The following IL7 variants were observed in gnomAD, a reference collection of about 807,000 sequenced individuals.
IL7 encodes the protein interleukin-7.
IL7 carries 3 observed loss-of-function variants against 21.6 expected under a neutral mutation model. That is an observed-to-expected ratio of 0.14 (90% CI 0.06 to 0.36). The LOEUF (loss-of-function observed/expected upper bound fraction) is 0.36, where lower values mean the gene tolerates loss of function less well. Ranked by LOEUF, IL7 falls within the 10% of genes least tolerant of loss-of-function variation. The probability of loss-of-function intolerance (pLI) is 1.00; values close to 1 mark genes in which losing one functional copy is unlikely to be tolerated. For missense variants in IL7, 175 were observed against 200.2 expected (o/e 0.87, Z 0.76); for synonymous variants, 62 against 68.1 (o/e 0.91, Z 0.44).
At chr8:78,793,602 C>T (rs1003604941) in intron 2 of IL7, among the ~76,000 whole-genome samples, 4 of 152,096 alleles carry the variant, frequency 2.6e-5, no homozygotes, top group African/African-American at 9.7e-5. Flanking sequence ...GGTGGAGGGC[C>T]TTGCTTCAAC....
chr8:78,676,367 A>G (rs1324324961), intron 4 of IL7, among the ~76,000 whole-genome samples: 1 of 151,994 alleles, frequency 6.6e-6, no homozygotes, highest in Non-Finnish European at 1.5e-5. Flanking sequence ...GACTTTTTCA[A>G]TGTAAAAGTA....
At chr8:78,745,747 T>C (rs1400704440) in intron 2 of IL7, among the ~76,000 whole-genome samples, 2 of 152,236 alleles carry the variant, frequency 1.3e-5, no homozygotes, top group African/African-American at 2.4e-5. Context: ...TTTCATTCCA[T>C]ATGGCTGATG....
chr8:78,701,210 C>G (rs774879549), intron 3 of IL7, among the ~76,000 whole-genome samples: 3 of 152,176 alleles, frequency 2.0e-5, no homozygotes, highest in Non-Finnish European at 4.4e-5. Flanking sequence ...TCTTTCACCT[C>G]CCCAGTTACC....
intron 2 of IL7, chr8:78,762,401 T>A (rs1468375649): frequency 1.2e-6 from 2 of 1,611,202 alleles, no homozygotes; most frequent in Non-Finnish European, 1.7e-6. Context: ...CTCTTCCGCG[T>A]GCAGTTGGCG....
At chr8:78,686,585 C>G in intron 3 of IL7, 1 of 1,527,964 alleles carries the variant, frequency 6.5e-7, no homozygotes, top group Non-Finnish European at 8.8e-7. Flanking sequence ...CTTCCTCCTC[C>G]TCCTCCACCT....
chr8:78,799,751 T>G (rs1243637115), intron 1 of IL7, among the ~76,000 whole-genome samples: 2 of 152,164 alleles, frequency 1.3e-5, no homozygotes, highest in East Asian at 3.9e-4. Flanking sequence ...CCTGAATTTG[T>G]TGCTTTACCA....
At chr8:78,787,784 T>A (rs544537152) in intron 2 of IL7, among the ~76,000 whole-genome samples, 1 of 152,176 alleles carries the variant, frequency 6.6e-6, no homozygotes, top group Non-Finnish European at 1.5e-5. Flanking sequence ...TTTTTCAGGA[T>A]GTTGTCCACT....
At chr8:78,687,412 G>T (rs1810021917) in intron 3 of IL7, among the ~76,000 whole-genome samples, 1 of 148,208 alleles carries the variant, frequency 6.7e-6, no homozygotes, top group Non-Finnish European at 1.5e-5. Context: ...GATTTTATAT[G>T]CCATAAGGTT....
intron 1 of IL7, among the ~76,000 whole-genome samples, chr8:78,801,636 G>A (rs1814064231): frequency 6.6e-6 from 1 of 152,182 alleles, no homozygotes; most frequent in South Asian, 2.1e-4. Context: ...CTGTGTAAAT[G>A]ACACAGCATC....
intron 2 of IL7, among the ~76,000 whole-genome samples, chr8:78,773,733 G>A (rs559081963): frequency 4.5e-4 from 69 of 152,220 alleles, no homozygotes; most frequent in Admixed American, 7.2e-4. Flanking sequence ...GGTTTGTGGC[G>A]ATTAGTACAT....
At chr8:78,710,898 AAAG>A (rs1810930658) in intron 3 of IL7, among the ~76,000 whole-genome samples, 1 of 152,140 alleles carries the variant, frequency 6.6e-6, no homozygotes, top group Non-Finnish European at 1.5e-5. Context: ...TAAGCTACTG[AAAG>A]AAGACAAAAA....
intron 3 of IL7, chr8:78,689,305 G>A (rs1810129345): frequency 1.2e-6 from 2 of 1,602,880 alleles, no homozygotes; most frequent in East Asian, 2.3e-5. Context: ...AGAACAGGCA[G>A]CACGTATTAG....
chr8:78,764,130 T>C (rs942158546), intron 2 of IL7, among the ~76,000 whole-genome samples: 2 of 152,094 alleles, frequency 1.3e-5, no homozygotes, highest in Admixed American at 1.3e-4. Context: ...GAAAAAGCAT[T>C]TGACAACATT....
chr8:78,761,154 A>G (rs1812542217), intron 2 of IL7: 1 of 1,592,294 alleles, frequency 6.3e-7, no homozygotes, highest in Admixed American at 1.8e-5. Context: ...GTCCACTGAG[A>G]ATGGCAGATT....
chr8:78,728,853 T>C (rs547720666), downstream of IL7, among the ~76,000 whole-genome samples: 5 of 152,064 alleles, frequency 3.3e-5, no homozygotes, highest in African/African-American at 7.2e-5. Flanking sequence ...TCTGGATAAA[T>C]ATACCATGGT....
chr8:78,692,484 G>GA (rs1810242394), intron 3 of IL7, among the ~76,000 whole-genome samples: 1 of 152,168 alleles, frequency 6.6e-6, no homozygotes, highest in Non-Finnish European at 1.5e-5. Context: ...ATGTTTGGTT[G>GA]AAAACTAGAC....
intron 3 of IL7, among the ~76,000 whole-genome samples, chr8:78,701,529 A>G (rs146685263): frequency 0.016 from 2,405 of 152,214 alleles, 56 homozygotes; most frequent in African/African-American, 0.054. Context: ...TTCCAAAACT[A>G]TGTTGAATAG....
downstream of IL7, among the ~76,000 whole-genome samples, chr8:78,731,290 G>A (rs1811419944): frequency 1.3e-5 from 2 of 151,878 alleles, no homozygotes; most frequent in African/African-American, 2.4e-5. Flanking sequence ...TTTGTATAAA[G>A]CAGATTCTCC....
chr8:78,710,956 A>G (rs1182826378), intron 3 of IL7, among the ~76,000 whole-genome samples: 2 of 152,116 alleles, frequency 1.3e-5, no homozygotes. Context: ...AATCTAGGAA[A>G]ATGAACACAT....
Sources: allele counts gnomAD v4.1 joint callset (sites outside exome capture counted in the v4.1 genomes callset), GRCh38; gene constraint gnomAD v4.1.1; transcripts MANE v1.5; gene names NCBI Gene and HGNC (gene_info 2026-07-23, HGNC 2026-07-21).